KIAA1217: variants seen among roughly 807,000 people sequenced by gnomAD.
The protein encoded by KIAA1217 is KIAA1217.
A neutral mutation model predicts 163.9 loss-of-function variants in KIAA1217; 88 were observed. That is an observed-to-expected ratio of 0.54 (90% CI 0.45 to 0.64). The LOEUF is 0.64. Ranked by LOEUF, KIAA1217 falls within the 30% of genes least tolerant of loss-of-function variation. The pLI, the probability that KIAA1217 is intolerant of heterozygous loss-of-function variation, is 0.00. For missense variants in KIAA1217, 2,372 were observed against 2,475.0 expected (o/e 0.96, Z 0.88); for synonymous variants, 903 against 923.1 (o/e 0.98, Z 0.39).
At chr10:23,943,795 T>A (rs999672043) in intron 1 of KIAA1217, among the ~76,000 whole-genome samples, 5 of 152,160 alleles carry the variant, frequency 3.3e-5, no homozygotes, top group African/African-American at 1.2e-4. Flanking sequence ...ACATAAAAGG[T>A]CAATTGATTT....
At position 24,166,860 on chromosome 10, in the gene KIAA1217, G is replaced by A. The variant is rs11013924; in HGVS notation, c.-170-52766G>A. Among the ~76,000 whole-genome samples, 1,026 of 151,416 alleles carry A rather than the reference G, an allele frequency of 6.8e-3. 13 individuals are homozygous for A. The highest frequency in any genetic ancestry group is 0.023 in the African/African-American group (953 of 41,238). ...TGATTATATGGATGTATCAGATTAT[G>A]TGCTATAAAACTATGTACAGCTATT... On this transcript the variant is annotated intron_variant, in intron 2 of 18. Transcript: ENST00000376462.
chr10:23,736,831 TAA>T (rs969739404), intron 1 of KIAA1217, among the ~76,000 whole-genome samples: 1 of 152,168 alleles, frequency 6.6e-6, no homozygotes, highest in Non-Finnish European at 1.5e-5. Context: ...CGGCCTATAA[TAA>T]GTTTTGAGAG....
intron 1 of KIAA1217, among the ~76,000 whole-genome samples, chr10:23,789,893 T>C (rs928590089): frequency 2.0e-5 from 3 of 148,630 alleles, no homozygotes; most frequent in Non-Finnish European, 3.0e-5. Flanking sequence ...ATATCATATA[T>C]ATGATATATA....
intron 8 of KIAA1217, among the ~76,000 whole-genome samples, chr10:24,496,967 T>A (rs2066865020): frequency 6.6e-6 from 1 of 152,214 alleles, no homozygotes; most frequent in African/African-American, 2.4e-5. Context: ...GCTGAGCTGA[T>A]TTGCAACGCC....
At chr10:24,061,648 A>C (rs12262912) in intron 2 of KIAA1217, among the ~76,000 whole-genome samples, 50,817 of 152,060 alleles carry the variant, frequency 0.33, 13,632 homozygotes, top group African/African-American at 0.75. Context: ...AACAGTTTTG[A>C]CCAGCATAAT....
At position 24,088,626 on chromosome 10, in the gene KIAA1217, T is replaced by C. The variant is rs867624447; in HGVS notation, c.-171+81252T>C. Among the ~76,000 whole-genome samples, 17 of 122,380 alleles carry C rather than the reference T, an allele frequency of 1.4e-4. 1 individual carries two copies. The highest frequency in any genetic ancestry group is 3.6e-4 in the African/African-American group (14 of 39,392). 80.3% of individuals were successfully genotyped at this position (122,380 alleles called of 152,430 possible). On this transcript the variant is annotated intron_variant, in intron 2 of 18. Transcript: ENST00000376462. ...CATGTCCCTACAAAGGACATGAACT[T>C]ATCATTTTTTATGGCTGCATAGTAT...
intron 2 of KIAA1217, among the ~76,000 whole-genome samples, chr10:24,156,466 A>G (rs2131873174): frequency 6.6e-6 from 1 of 152,324 alleles, no homozygotes; most frequent in East Asian, 1.9e-4. Flanking sequence ...AGAATTCTGT[A>G]TTAACCATGT....
chr10:23,824,963 G>A (rs755118778), intron 1 of KIAA1217, among the ~76,000 whole-genome samples: 4 of 151,990 alleles, frequency 2.6e-5, no homozygotes, highest in Non-Finnish European at 5.9e-5. Context: ...CATTTGAAAG[G>A]TACATTATCT....
intron 5 of KIAA1217, among the ~76,000 whole-genome samples, chr10:24,441,565 C>A (rs1370823975): frequency 6.6e-6 from 1 of 152,154 alleles, no homozygotes; most frequent in Admixed American, 6.5e-5. Context: ...AAAACGTGTA[C>A]TAAATTTTCA....
chr10:24,262,033 A>G (rs1034455966), intron 2 of KIAA1217, among the ~76,000 whole-genome samples: 1 of 152,222 alleles, frequency 6.6e-6, no homozygotes, highest in South Asian at 2.1e-4. Flanking sequence ...TCAGATCCAT[A>G]TCACAGCTCA....
chr10:24,473,131 A>C, intron 5 of KIAA1217, 97 bp from the exon 6 acceptor site: 1 of 805,698 alleles, frequency 1.2e-6, no homozygotes, highest in African/African-American at 1.7e-5. Context: ...ATGAGGGTGT[A>C]TACATCTTGC....
intron 1 of KIAA1217, among the ~76,000 whole-genome samples, chr10:23,988,499 T>C (rs1039684608): frequency 6.6e-6 from 1 of 152,240 alleles, no homozygotes; most frequent in Non-Finnish European, 1.5e-5. Context: ...CTGCTTAGAA[T>C]AACTGGAGAG....
chr10:24,197,655 T>C (rs1384418748), intron 2 of KIAA1217, among the ~76,000 whole-genome samples: 1 of 152,254 alleles, frequency 6.6e-6, no homozygotes, highest in Non-Finnish European at 1.5e-5. Context: ...TTCTCAAAGC[T>C]TTGCCTTCTT....
chr10:23,725,902 G>C (rs1838105480), intron 1 of KIAA1217, among the ~76,000 whole-genome samples: 1 of 152,078 alleles, frequency 6.6e-6, no homozygotes, highest in African/African-American at 2.4e-5. Flanking sequence ...TTCCACCTTT[G>C]TGCCCTCTTG....
intron 5 of KIAA1217, among the ~76,000 whole-genome samples, chr10:24,448,686 C>T (rs934877396): frequency 2.0e-5 from 3 of 152,182 alleles, no homozygotes; most frequent in Non-Finnish European, 4.4e-5. Context: ...TGTGCCTGGC[C>T]CCTTGCTTTT....
intron 1 of KIAA1217, among the ~76,000 whole-genome samples, chr10:23,801,323 C>T (rs528418183): frequency 1.3e-5 from 2 of 152,136 alleles, no homozygotes; most frequent in African/African-American, 4.8e-5. Context: ...TGGGGCCTGT[C>T]GTGGGAGTGG....
At chr10:24,169,706 T>C (rs2065531857) in intron 2 of KIAA1217, among the ~76,000 whole-genome samples, 1 of 152,086 alleles carries the variant, frequency 6.6e-6, no homozygotes, top group African/African-American at 2.4e-5. Context: ...TCAGGCATCC[T>C]AGGTTACCAG....
chr10:24,446,668 G>A (rs576223906), intron 5 of KIAA1217, among the ~76,000 whole-genome samples: 11 of 152,258 alleles, frequency 7.2e-5, no homozygotes, highest in South Asian at 4.1e-4. Flanking sequence ...CAATGACAAC[G>A]GTATCAATAA....
rs140996950 is a variant in KIAA1217 at position 24,468,809 on chromosome 10, A to G, written c.847-4419A>G. On this transcript the variant is annotated intron_variant, in intron 5 of 20. Coordinates refer to ENST00000376454, the MANE Select transcript of KIAA1217 (RefSeq NM_019590.5). ...TGTTTCCCACATGAATGCCCAATAC[A>G]ATGTATCAGAATTACTTTTAGTTAA... Among the ~76,000 whole-genome samples, 483 of 152,296 alleles carry G rather than the reference A, an allele frequency of 3.2e-3. 1 individual carries two copies. Among genetic ancestry groups the G allele is most frequent in the Middle Eastern group, 0.01 (3 of 294 alleles).
Sources: allele counts gnomAD v4.1 joint callset (sites outside exome capture counted in the v4.1 genomes callset), GRCh38; gene constraint gnomAD v4.1.1; transcripts MANE v1.5; gene names NCBI Gene and HGNC (gene_info 2026-07-23, HGNC 2026-07-21).